Variants in RAB33A observed in about 807,000 individuals in gnomAD.
The protein encoded by RAB33A is RAB33A, member RAS oncogene family.
Under a neutral mutation model 12.0 loss-of-function variants are expected in RAB33A, and 6 were observed. That is an observed-to-expected ratio of 0.50 (90% CI 0.27 to 0.99). The LOEUF is 0.99. Among genes scored for constraint, RAB33A ranks in the 50% least tolerant of loss-of-function variants. RAB33A has a pLI of 0.11. For missense variants in RAB33A, 109 were observed against 192.0 expected, an observed-to-expected ratio of 0.57 and a Z score of 2.55; for synonymous variants, 70 against 82.4, an observed-to-expected ratio of 0.85 and a Z score of 0.81.
chrX:130,146,451 ATGTG>A, the RAB33A span, among the ~76,000 whole-genome samples: 17,380 of 89,023 alleles, frequency 0.2, 2,082 homozygotes, highest in African/African-American at 0.42. Context: ...CTCTCAAAAT[ATGTG>A]TGTGTGTGTG....
At chrX:130,161,900 C>G in the RAB33A span, among the ~76,000 whole-genome samples, 1 of 112,031 alleles carries the variant, frequency 8.9e-6, no homozygotes, top group Non-Finnish European at 1.9e-5. Context: ...AGCCACCACG[C>G]CTAGCTATCA....
chrX:130,163,561 G>A, the RAB33A span, among the ~76,000 whole-genome samples: 1 of 111,437 alleles, frequency 9.0e-6, no homozygotes, highest in Non-Finnish European at 1.9e-5. Context: ...TTTGGTGCAC[G>A]GCCAAAGGAC....
At chrX:130,114,379 G>A in the RAB33A span, among the ~76,000 whole-genome samples, 1 of 111,534 alleles carries the variant, frequency 9.0e-6, no homozygotes, top group Non-Finnish European at 1.9e-5. Context: ...GGGAGCCATG[G>A]GCCACCTGAA....
rs1235888767 is a variant in RAB33A at position 130,172,242 on chromosome X, C to T, written c.180C>T (p.Thr60=). ...TGACCTTCCGCTTCTGCGGGGGTAC[C>T]TTCCCAGACAAGACTGAAGCCACCA... ...TCLTFRFCGG[T]FPDKTEATIG... The change falls in exon 1 of 2, where the codon ACC becomes ACT. Residue 60 remains threonine, a synonymous_variant. Coordinates refer to ENST00000257017, the MANE Select transcript of RAB33A (RefSeq NM_004794.3). The T allele has an allele frequency of 4.9e-6, 6 of 1,212,311 alleles. No homozygotes were observed. In the Admixed American group the frequency reaches 1.3e-4, roughly 26 times the overall value.
chrX:130,183,980 C>T (rs2031759411), intron 1 of RAB33A, among the ~76,000 whole-genome samples: 1 of 111,428 alleles, frequency 9.0e-6, no homozygotes, highest in Non-Finnish European at 1.9e-5. Flanking sequence ...ACCTCCGACT[C>T]CCTGGTTCAA....
At chrX:130,113,229 C>T in the RAB33A span, among the ~76,000 whole-genome samples, 1 of 105,830 alleles carries the variant, frequency 9.4e-6, no homozygotes, top group African/African-American at 3.5e-5. Context: ...TACAGGAACC[C>T]GCCACCATGC....
At chrX:130,115,663 A>AGAGAG in the RAB33A span, among the ~76,000 whole-genome samples, 568 of 99,594 alleles carry the variant, frequency 5.7e-3, 15 homozygotes, top group Admixed American at 0.045. Flanking sequence ...GAAAGAGAGA[A>AGAGAG]AGAGAGAGAG....
At chrX:130,140,456 C>T in the RAB33A span, 1 of 849,541 alleles carries the variant, frequency 1.2e-6, no homozygotes, top group South Asian at 2.0e-5. Flanking sequence ...AGTAGTAATG[C>T]CTTCCATAGA....
chrX:130,119,226 C>T, the RAB33A span, among the ~76,000 whole-genome samples: 2 of 111,507 alleles, frequency 1.8e-5, no homozygotes, highest in South Asian at 3.8e-4. Flanking sequence ...TCCCCCACCC[C>T]CTCCAGCCAG....
At chrX:130,180,790 C>A (rs2031717576) in intron 1 of RAB33A, among the ~76,000 whole-genome samples, 1 of 105,595 alleles carries the variant, frequency 9.5e-6, no homozygotes, top group Non-Finnish European at 1.9e-5. Flanking sequence ...TTTTTGTTAC[C>A]TAAGGTCAGG....
the RAB33A span, among the ~76,000 whole-genome samples, chrX:130,125,029 T>G: frequency 9.0e-6 from 1 of 111,602 alleles, no homozygotes; most frequent in African/African-American, 3.3e-5. Flanking sequence ...TGTGTTCACA[T>G]GATTATGGAG....
the RAB33A span, among the ~76,000 whole-genome samples, chrX:130,124,185 T>A: frequency 8.9e-6 from 1 of 111,744 alleles, no homozygotes; most frequent in Non-Finnish European, 1.9e-5. Context: ...ACACTGATAA[T>A]CCCTGTTGAC....
At chrX:130,169,784 ATCTC>A (rs1379530139), upstream of RAB33A, among the ~76,000 whole-genome samples, 1 of 112,319 alleles carries the variant, frequency 8.9e-6, no homozygotes, top group Non-Finnish European at 1.9e-5. Flanking sequence ...TTTTTTTAAT[ATCTC>A]TCAGGAAGTT....
chrX:130,166,643 A>G, the RAB33A span, among the ~76,000 whole-genome samples: 1 of 112,657 alleles, frequency 8.9e-6, no homozygotes, highest in Non-Finnish European at 1.9e-5. Flanking sequence ...TTCAGCTTAC[A>G]TATTCATTTA....
the RAB33A span, chrX:130,165,978 A>G: frequency 3.0e-6 from 1 of 331,906 alleles, no homozygotes; most frequent in Admixed American, 4.6e-5. Flanking sequence ...GGTTTTCGCG[A>G]GTTTGTGGCA....
At chrX:130,161,810 T>G in the RAB33A span, among the ~76,000 whole-genome samples, 2 of 110,792 alleles carry the variant, frequency 1.8e-5, no homozygotes, top group South Asian at 7.7e-4. Flanking sequence ...TTTCTCCATG[T>G]TGGTCAGGCT....
chrX:130,138,688 C>T, the RAB33A span: 1 of 1,196,951 alleles, frequency 8.4e-7, no homozygotes. Context: ...CTCCAAGCTT[C>T]TAAAGTCTCC....
the RAB33A span, chrX:130,149,688 A>G: frequency 1.8e-6 from 1 of 546,914 alleles, no homozygotes; most frequent in Non-Finnish European, 3.1e-6. Flanking sequence ...CCTCTATGTC[A>G]AAACCACTAA....
chrX:130,132,735 G>C, the RAB33A span, among the ~76,000 whole-genome samples: 343 of 99,296 alleles, frequency 3.5e-3, 3 homozygotes, highest in African/African-American at 0.012. Context: ...AATGCTTTCT[G>C]ACACTCCTTT....
Sources: allele counts gnomAD v4.1 joint callset (sites outside exome capture counted in the v4.1 genomes callset), GRCh38; gene constraint gnomAD v4.1.1; transcripts MANE v1.5; gene names NCBI Gene and HGNC (gene_info 2026-07-23, HGNC 2026-07-21).